Variants in RIMBP2 observed in about 807,000 individuals in gnomAD.
RIMBP2 encodes the protein RIMS-binding protein 2.
Under a neutral mutation model 118.6 loss-of-function variants are expected in RIMBP2, and 48 were observed. The ratio of observed to expected loss-of-function variants is 0.40; its 90% CI spans 0.32 to 0.51. The LOEUF (loss-of-function observed/expected upper bound fraction) is 0.51. Among genes scored for constraint, RIMBP2 ranks in the 20% least tolerant of loss-of-function variants. The pLI is 0.41. For synonymous variants in RIMBP2, 762 were observed against 742.9 expected (o/e 1.03, Z -0.42); for missense variants, 1,551 against 1,768.3 (o/e 0.88, Z 2.20).
chr12:130,493,056 G>C (rs753448327), intron 4 of RIMBP2, among the ~76,000 whole-genome samples: 1 of 152,130 alleles, frequency 6.6e-6, no homozygotes, highest in Non-Finnish European at 1.5e-5. Context: ...AGGATGGCTT[G>C]GGCGCAGGAG....
At position 130,576,658 on chromosome 12, in the gene RIMBP2, G is replaced by A. The variant is rs1291126681; in HGVS notation, c.-217+51664C>T. Among the ~76,000 whole-genome samples the A allele has an allele frequency of 6.6e-6, 1 of 152,228 alleles. No homozygotes were observed. Among genetic ancestry groups the A allele is most frequent in the Admixed American group, 6.5e-5 (1 of 15,286 alleles). On this transcript the variant is annotated intron_variant, in intron 2 of 22. Coordinates refer to ENST00000690449, the MANE Select transcript of RIMBP2 (RefSeq NM_001393629.1). This position sits in a 1 kb window ranked among gnomAD's most constrained non-coding sequence, Gnocchi z 4.2. ...GAGAGATGAGGATGAAGCACGAGCT[G>A]GCAGGACAGGGAGGACGGCAGGGAG...
chr12:130,601,896 C>G (rs10848156), intron 2 of RIMBP2, among the ~76,000 whole-genome samples: 73,479 of 152,126 alleles, frequency 0.48, 19,064 homozygotes, highest in Admixed American at 0.6. Context: ...TTCAGCGAAC[C>G]TTTTAACTAA....
intron 2 of RIMBP2, among the ~76,000 whole-genome samples, chr12:130,527,207 T>A (rs1357068236): frequency 6.6e-6 from 1 of 152,230 alleles, no homozygotes; most frequent in Admixed American, 6.5e-5. Flanking sequence ...GCAATTTAAA[T>A]GAGATAATTC....
chr12:130,579,162 G>A (rs879865530), intron 2 of RIMBP2, among the ~76,000 whole-genome samples: 13 of 152,154 alleles, frequency 8.5e-5, no homozygotes, highest in Admixed American at 8.5e-4. Flanking sequence ...TTTTGAGGAA[G>A]GGCTGATTGC....
intron 2 of RIMBP2, among the ~76,000 whole-genome samples, chr12:130,614,295 G>C (rs1346920704): frequency 6.6e-6 from 1 of 152,212 alleles, no homozygotes; most frequent in Non-Finnish European, 1.5e-5. Context: ...CGAAAACCAT[G>C]TGATTAATTA....
At chr12:130,570,375 G>A (rs1468261976) in intron 2 of RIMBP2, among the ~76,000 whole-genome samples, 3 of 151,258 alleles carry the variant, frequency 2.0e-5, no homozygotes, top group South Asian at 2.1e-4. Context: ...GCAGTGAGCT[G>A]AGATCACACC....
At chr12:130,531,218 C>A (rs1426141118) in intron 2 of RIMBP2, among the ~76,000 whole-genome samples, 2 of 152,150 alleles carry the variant, frequency 1.3e-5, no homozygotes, top group African/African-American at 4.8e-5. Flanking sequence ...ATGAAATGCA[C>A]AAATCATAGG....
chr12:130,435,583 G>A (rs184517024), intron 13 of RIMBP2, among the ~76,000 whole-genome samples: 44 of 152,202 alleles, frequency 2.9e-4, no homozygotes, highest in Admixed American at 2.0e-3. Flanking sequence ...TCCTGCCCAC[G>A]GCCTCCCCAG....
intron 1 of RIMBP2, among the ~76,000 whole-genome samples, chr12:130,678,486 C>T (rs960794451): frequency 1.3e-5 from 2 of 152,138 alleles, no homozygotes; most frequent in Non-Finnish European, 2.9e-5. Flanking sequence ...GTCAAAGGAG[C>T]CAGGCACGAA....
chr12:130,575,847 A>C (rs2058048412), intron 2 of RIMBP2, among the ~76,000 whole-genome samples: 1 of 152,210 alleles, frequency 6.6e-6, no homozygotes, highest in Non-Finnish European at 1.5e-5. Flanking sequence ...GGTAACTTGA[A>C]AATAATCGTG....
Position 130,422,433 on chromosome 12 carries a change from G to A in RIMBP2, c.3238+20C>T, listed in dbSNP as rs1388212704. 1 of 1,551,146 alleles carries A rather than the reference G, an allele frequency of 6.4e-7. No homozygotes were observed. The highest frequency in any genetic ancestry group is 1.7e-5 in the Admixed American group (1 of 59,118). On this transcript the variant is annotated intron_variant, in intron 17 of 22. Transcript: ENST00000690449. This position sits in a 1 kb window ranked among gnomAD's most constrained non-coding sequence, Gnocchi z 5.2. ...TGCTCCGCGGCTGAAAGACACAACA[G>A]CGATGATGGGGCCACTAACCGATGG... is the stretch of plus-strand genomic sequence containing the variant.
chr12:130,645,322 G>A (rs556201292), intron 1 of RIMBP2, among the ~76,000 whole-genome samples: 1 of 152,238 alleles, frequency 6.6e-6, no homozygotes, highest in Non-Finnish European at 1.5e-5. Context: ...ACAAATCACA[G>A]CTTTTACCAG....
Position 130,434,809 on chromosome 12 carries a change from G to A in RIMBP2, c.2178C>T (p.Ala726=), listed in dbSNP as rs769144128. 1.2e-6 allele frequency: 2 copies of A among 1,613,834 alleles called. No individual in the cohort carries two copies. Among genetic ancestry groups the A allele is most frequent in the Admixed American group, 1.7e-5 (1 of 60,002 alleles). ...GQYAASDEED[A]YDSPDFKRRG... is the part of the protein sequence containing the mutation. ...TCCTCTTGAAGTCTGGAGAGTCATA[G>A]GCGTCCTCCTCGTCTGAGGCGGCGT... Residue 726 remains alanine, a synonymous_variant, in exon 14 of 23, where the codon GCC becomes GCT. Transcript: ENST00000690449. The surrounding 1 kb of genome is among the most constrained non-coding windows in gnomAD (Gnocchi z 5.7).
At chr12:130,481,951 C>G (rs2082053383) in intron 4 of RIMBP2, among the ~76,000 whole-genome samples, 1 of 152,062 alleles carries the variant, frequency 6.6e-6, no homozygotes. Context: ...CCACCACCAC[C>G]CACCGCCCAC....
chr12:130,588,375 C>T (rs753294562), intron 2 of RIMBP2, among the ~76,000 whole-genome samples: 1 of 152,214 alleles, frequency 6.6e-6, no homozygotes, highest in Non-Finnish European at 1.5e-5. Context: ...GGAGACTCAC[C>T]TTCAAGGAGA....
intron 1 of RIMBP2, among the ~76,000 whole-genome samples, chr12:130,714,086 C>T (rs531174120): frequency 1.3e-5 from 2 of 152,262 alleles, no homozygotes; most frequent in African/African-American, 4.8e-5. Context: ...GTGTGAGAAT[C>T]GCTGCTCCAA....
At chr12:130,559,792 C>A (rs2056668888) in intron 2 of RIMBP2, among the ~76,000 whole-genome samples, 1 of 152,198 alleles carries the variant, frequency 6.6e-6, no homozygotes, top group Admixed American at 6.5e-5. Context: ...AACCTGGGAG[C>A]TAGCAGGTAT....
intron 4 of RIMBP2, among the ~76,000 whole-genome samples, chr12:130,483,563 C>T (rs931228458): frequency 1.3e-5 from 2 of 152,126 alleles, no homozygotes; most frequent in African/African-American, 4.8e-5. Flanking sequence ...TGGTGCTAAA[C>T]AAAGGCTCAC....
intron 1 of RIMBP2, among the ~76,000 whole-genome samples, chr12:130,714,953 C>G (rs1950224638): frequency 6.6e-6 from 1 of 152,186 alleles, no homozygotes; most frequent in Admixed American, 6.5e-5. Flanking sequence ...CCCCACTGTT[C>G]CCCTTAGAAA....
Sources: allele counts gnomAD v4.1 joint callset (sites outside exome capture counted in the v4.1 genomes callset), GRCh38; gene constraint gnomAD v4.1.1; non-coding constraint Gnocchi (gnomAD v3.1); transcripts MANE v1.5; gene names NCBI Gene and HGNC (gene_info 2026-07-23, HGNC 2026-07-21).